PCF11: variants seen among roughly 807,000 people sequenced by gnomAD.
PCF11 encodes PCF11 cleavage and polyadenylation factor subunit.
Under a neutral mutation model 166.1 loss-of-function variants are expected in PCF11, and 19 were observed. The observed-to-expected ratio is 0.11, with a 90% CI of 0.08 to 0.17. PCF11 has a LOEUF of 0.17. PCF11 is among the 10% of genes least tolerant of loss of function. The pLI is 1.00. For missense variants in PCF11, 1,565 were observed against 1,855.5 expected (o/e 0.84, Z 2.88); for synonymous variants, 663 against 644.1 (o/e 1.03, Z -0.44).
intron 7 of PCF11, 141 bp downstream of exon 7, chr11:83,168,039 TAAGG>T: frequency 6.0e-6 from 4 of 670,860 alleles, no homozygotes; most frequent in Non-Finnish European, 8.6e-6. Context: ...TTTTTCCCTT[TAAGG>T]AAAGGGAAGG....
intron 1 of PCF11, among the ~76,000 whole-genome samples, chr11:83,160,122 A>C (rs1860174998): frequency 6.6e-6 from 1 of 152,192 alleles, no homozygotes; most frequent in Admixed American, 6.5e-5. Context: ...AGCTTCCCTT[A>C]GCCAACTTTT....
chr11:83,164,647 C>G (rs1339393978), intron 4 of PCF11, among the ~76,000 whole-genome samples: 2 of 151,698 alleles, frequency 1.3e-5, no homozygotes, highest in Non-Finnish European at 2.9e-5. Context: ...CTTGGGAAGT[C>G]TGAGGTGGGA....
intron 11 of PCF11, among the ~76,000 whole-genome samples, chr11:83,179,920 CA>C (rs1165318510): frequency 6.8e-6 from 1 of 148,052 alleles, no homozygotes; most frequent in Non-Finnish European, 1.5e-5. Flanking sequence ...ACTCCGTCTC[CA>C]AAAAAAACGG....
intron 1 of PCF11, among the ~76,000 whole-genome samples, chr11:83,159,974 AACATG>A (rs1229646720): frequency 2.0e-5 from 3 of 152,236 alleles, no homozygotes; most frequent in African/African-American, 4.8e-5. Context: ...AATGGTGTAA[AACATG>A]ACATGGTAAG....
At chr11:83,161,545 G>A (rs1202465971) in intron 2 of PCF11, 93 bp downstream of exon 2, 2 of 962,260 alleles carry the variant, frequency 2.1e-6, no homozygotes, top group Non-Finnish European at 3.0e-6. Context: ...TTCTTGGGTG[G>A]TGAAATGTTT....
Position 83,157,445 on chromosome 11 carries a change from A to G in PCF11, c.6A>G (p.Ser2=), listed in dbSNP as rs776492366. The G allele has an allele frequency of 5.6e-6, 9 of 1,609,304 alleles. No individual in the cohort carries two copies. In the Middle Eastern group the frequency reaches 5.4e-4, roughly 96 times the overall value. The change falls in exon 1 of 16, where the codon TCA becomes TCG. Residue 2 remains serine (S), a synonymous_variant. Transcript: ENST00000298281. ...CGGAGGGGGGCCGCGGCGCAATGTCAGAGCAGACGCCGGCCGAGGCCGGTG... is the reference window on the plus strand; with the variant it reads ...CGGAGGGGGGCCGCGGCGCAATGTCGGAGCAGACGCCGGCCGAGGCCGGTG...
chr11:83,166,381 C>T, exon 5 of PCF11: 1 of 1,613,798 alleles, frequency 6.2e-7, no homozygotes, highest in Non-Finnish European at 8.5e-7. Flanking sequence ...ATACATTCCC[C>T]AAAGAGAAGA....
intron 4 of PCF11, among the ~76,000 whole-genome samples, chr11:83,164,603 C>T (rs1000124480): frequency 3.3e-5 from 5 of 151,946 alleles, no homozygotes; most frequent in Non-Finnish European, 7.4e-5. Context: ...ACTGCATAGG[C>T]CAGGCGCAGT....
rs1220390704 is a variant in PCF11 at position 83,168,614 on chromosome 11, T to C, written c.2279T>C (p.Val760Ala). ...TTTGATGGACCTAGTAGGCCATCAG[T>C]AGCAAGAGATGGCCCAACGAAGATG... The change falls in exon 8 of 16, where the codon GTA becomes GCA. Residue 760 changes from valine (V) to alanine (A), a missense_variant. Transcript: ENST00000298281. 3 of 1,613,838 alleles carry C rather than the reference T, an allele frequency of 1.9e-6. No homozygotes were observed. In the Admixed American group the frequency reaches 5.0e-5, roughly 27 times the overall value.
intron 9 of PCF11, among the ~76,000 whole-genome samples, chr11:83,176,246 T>G (rs1860874549): frequency 6.6e-6 from 1 of 152,248 alleles, no homozygotes; most frequent in African/African-American, 2.4e-5. Context: ...TGTCAGCATT[T>G]GTTTTAGAAT....
chr11:83,175,831 T>G (rs1860859919), intron 9 of PCF11, among the ~76,000 whole-genome samples: 1 of 152,236 alleles, frequency 6.6e-6, no homozygotes, highest in African/African-American at 2.4e-5. Flanking sequence ...GAATGATTCC[T>G]CACCAATGAG....
chr11:83,185,937 G>A (rs560947426), exon 16 of PCF11: 2 of 152,608 alleles, frequency 1.3e-5, no homozygotes, highest in Non-Finnish European at 2.9e-5. Context: ...CCATTTATTG[G>A]AGATAGGCAT....
chr11:83,185,155 A>ATT (rs1861239206), exon 16 of PCF11: 1 of 314,766 alleles, frequency 3.2e-6, no homozygotes, highest in African/African-American at 2.2e-5. Context: ...AAAATGTACG[A>ATT]TTTTTCACTG....
rs141957111 is a variant in PCF11 at position 83,164,474 on chromosome 11, A to T, written c.702+73A>T. ...ATAGGGAAGTAATGTTTATGTTTGA[A>T]TTTTATTAACATGTTACTTTTATTA... is the stretch of plus-strand genomic sequence containing the variant. On this transcript the variant is annotated intron_variant, in intron 4 of 15. Transcript: ENST00000298281. The T allele has an allele frequency of 4.6e-6, 5 of 1,086,920 alleles. No individual in the cohort carries two copies. In the South Asian group the frequency reaches 6.0e-5, roughly 13 times the overall value. 67.3% of individuals were successfully genotyped at this position (1,086,920 alleles called of 1,614,324 possible).
At chr11:83,181,711 G>A in intron 12 of PCF11, 143 bp from the exon 13 acceptor site, 2 of 464,574 alleles carry the variant, frequency 4.3e-6, no homozygotes, top group Non-Finnish European at 7.3e-6. Context: ...TTAGTTATAT[G>A]TTTCAAAGTA....
exon 16 of PCF11, chr11:83,187,122 A>G (rs1453802660): frequency 1.3e-5 from 2 of 152,450 alleles, no homozygotes; most frequent in Non-Finnish European, 2.9e-5. Context: ...CAGTGGCACA[A>G]TCTCGGCTCA....
In PCF11 at chr11:83,167,013, G is replaced by T. The variant is rs1860488321; in HGVS notation, c.1818-112G>T. 2 of 806,394 alleles carry T rather than the reference G, an allele frequency of 2.5e-6. No homozygotes were observed. The highest frequency in any genetic ancestry group is 1.9e-5 in the South Asian group (1 of 51,632). The allele number at this position is 806,394 out of a possible 1,614,324, so 50.0% of individuals were successfully genotyped here. A position where few individuals can be genotyped will look rare whatever the true frequency, so the allele number is the denominator to read the frequency against. On this transcript the variant is annotated intron_variant, in intron 5 of 15. Transcript: ENST00000298281. The surrounding 1 kb of genome is among the most constrained non-coding windows in gnomAD (Gnocchi z 4.2). Reference sequence around the variant, plus strand: ...TTAATCATTTATTTAATTACTTTTTGTGGTTACATATGCCCATTTTAACCA... The same window carrying T: ...TTAATCATTTATTTAATTACTTTTTTTGGTTACATATGCCCATTTTAACCA...
Position 83,167,920 on chromosome 11 carries a change from T to C in PCF11, c.2092+415T>C, listed in dbSNP as rs1055605181. 104 of 1,283,780 alleles carry C rather than the reference T, an allele frequency of 8.1e-5. No homozygotes were observed. Among genetic ancestry groups the C allele is most frequent in the Non-Finnish European group, 1.0e-4 (102 of 987,598 alleles). The allele number at this position is 1,283,780 out of a possible 1,614,324, so 79.5% of individuals were successfully genotyped here. ...AAAGGTAGAAAAAGTTAAATCAGAT[T>C]ATGCCTATTGAATCACACAGCAGTG... On this transcript the variant is annotated intron_variant, in intron 7 of 15. Coordinates refer to ENST00000298281, the Ensembl canonical transcript of PCF11. This position sits in a 1 kb window ranked among gnomAD's most constrained non-coding sequence, Gnocchi z 4.2.
chr11:83,182,528 A>G (rs1861117666), intron 14 of PCF11, 37 bp downstream of exon 14: 4 of 1,051,664 alleles, frequency 3.8e-6, no homozygotes, highest in Non-Finnish European at 5.9e-6. Context: ...TGTTAAGATT[A>G]GTGTTTTTTT....
Sources: gnomAD v4.1 joint callset for allele counts (sites outside exome capture counted in the v4.1 genomes callset) on GRCh38, gnomAD v4.1.1 for gene constraint, Gnocchi (gnomAD v3.1) non-coding constraint, MANE v1.5 for transcripts, NCBI Gene and HGNC (gene_info 2026-07-23, HGNC 2026-07-21) for gene names.